The following NUDT17 variants were observed in gnomAD, a reference collection of about 807,000 sequenced individuals.
NUDT17 encodes the protein nudix hydrolase 17, also known as m7GpppN-mRNA hydrolase NUDT17.
In NUDT17, 38 loss-of-function variants were observed where a neutral mutation model predicts 38.6. That is an observed-to-expected ratio of 0.98 (90% CI 0.76 to 1.29). The LOEUF (loss-of-function observed/expected upper bound fraction) is 1.29. Ranked by LOEUF, NUDT17 falls within the 50% of genes most tolerant of loss-of-function variation. The pLI is 0.00. For synonymous variants in NUDT17, 192 were observed against 167.8 expected (o/e 1.14, Z -1.11); for missense variants, 462 against 415.2 (o/e 1.11, Z -0.98).
At position 145,846,101 on chromosome 1, in the gene NUDT17, G is replaced by A; in HGVS notation, c.281G>A (p.Gly94Asp). The change falls in exon 2 of 8, where the codon GGT becomes GAT. Residue 94 changes from glycine to aspartate, a missense_variant. Coordinates refer to ENST00000334513, the MANE Select transcript of NUDT17 (RefSeq NM_001012758.3). ...CCCACAGATCGAGGTGTGGACCTGG[G>A]TGTGGCCGTCATTCTGCAGTCCAGC... ...ELPTDRGVDL[G>D]VAVILQSSDK... 1.9e-6 allele frequency: 3 copies of A among 1,603,586 alleles called. No individual in the cohort carries two copies. The highest frequency in any genetic ancestry group is 2.6e-6 in the Non-Finnish European group (3 of 1,175,662).
chr1:145,846,888 A>G (rs1553732637), intron 4 of NUDT17, among the ~76,000 whole-genome samples, 198 bp downstream of exon 4: 1 of 152,240 alleles, frequency 6.6e-6, no homozygotes, highest in Non-Finnish European at 1.5e-5. Context: ...GTATTAACAA[A>G]GTCTCAAAAA....
In NUDT17 at chr1:145,848,656, C is replaced by T. The variant is rs1652831072; in HGVS notation, c.*177C>T. On this transcript the variant is annotated 3_prime_UTR_variant, in exon 8 of 8. Coordinates refer to ENST00000334513, the MANE Select transcript of NUDT17 (RefSeq NM_001012758.3). ...GGAAGGAGGGCACAGGGTCCTTCCA[C>T]CTCCCTGGAAAGGTGCAGAATGAGC... 3.4e-6 allele frequency: 2 copies of T among 590,896 alleles called. No individual in the cohort carries two copies. The highest frequency in any genetic ancestry group is 3.7e-5 in the African/African-American group (2 of 53,744). The allele number at this position is 590,896 out of a possible 1,614,324, so 36.6% of individuals were successfully genotyped here.
Position 145,846,109 on chromosome 1 carries a change from G to A in NUDT17, c.289G>A (p.Val97Ile), listed in dbSNP as rs1471100335. 2.5e-6 allele frequency: 4 copies of A among 1,602,186 alleles called. No individual in the cohort carries two copies. Among genetic ancestry groups the A allele is most frequent in the South Asian group, 1.1e-5 (1 of 88,898 alleles). Residue 97 changes from valine to isoleucine, a missense_variant, in exon 2 of 8, where the codon GTC (valine) becomes ATC (isoleucine). Transcript: ENST00000334513. ...TCGAGGTGTGGACCTGGGTGTGGCC[G>A]TCATTCTGCAGTCCAGCGACAAGAC... The part of the protein sequence containing the change: ...TDRGVDLGVA[V>I]ILQSSDKTVL...
intron 6 of NUDT17, 39 bp downstream of exon 6, chr1:145,847,758 C>T (rs782632252): frequency 3.7e-6 from 6 of 1,603,750 alleles, no homozygotes; most frequent in Non-Finnish European, 5.1e-6. Flanking sequence ...AATACACCAA[C>T]ATATTCATGT....
At position 145,845,770 on chromosome 1, in the gene NUDT17, C is replaced by A; in HGVS notation, c.130C>A (p.Arg44=). The A allele has an allele frequency of 1.9e-6, 3 of 1,587,124 alleles. No individual in the cohort carries two copies. The Middle Eastern group carries it at 5.0e-4, about 263-fold the overall frequency. The change falls in exon 1 of 8, where the codon CGA becomes AGA. Residue 44 remains arginine (R), a synonymous_variant. Transcript: ENST00000334513. ...GTGGCCCATTCACTGCAGCTTGAAG[C>A]GAGGACGGCTTGTCCTCTCGAGCAG... ...GTWPIHCSLK[R]GRLVLSSRPF...
In NUDT17 at chr1:145,845,825, C is replaced by A. The variant is rs1553732173; in HGVS notation, c.185C>A (p.Pro62Gln). The A allele has an allele frequency of 6.3e-7, 1 of 1,593,260 alleles. No homozygotes were observed. ...RPFPGASARLPLQRPPFCPFA... is the reference protein window; with the variant it reads ...RPFPGASARLQLQRPPFCPFA... ...TTCCCAGGCGCCTCCGCTAGGCTTCCGCTCCAGGTCGGCAGAAGGGGGCCC... is the reference window on the plus strand; with the variant it reads ...TTCCCAGGCGCCTCCGCTAGGCTTCAGCTCCAGGTCGGCAGAAGGGGGCCC... The change falls in exon 1 of 8, where the codon CCG becomes CAG. Residue 62 changes from proline (P) to glutamine (Q), a missense_variant. By Grantham distance (76) the Pro-to-Gln change is moderately conservative (BLOSUM62 -1). Transcript: ENST00000334513.
intron 4 of NUDT17, among the ~76,000 whole-genome samples, chr1:145,846,913 C>T (rs367785809): frequency 3.9e-4 from 59 of 152,344 alleles, no homozygotes; most frequent in African/African-American, 1.4e-3. Context: ...CACAAAGGGC[C>T]GGGTGCGGTG....
In NUDT17 at chr1:145,847,824, A is replaced by T. The variant is rs146383952; in HGVS notation, c.731+105A>T. The T allele has an allele frequency of 7.8e-5, 94 of 1,203,140 alleles. No individual in the cohort carries two copies. In the East Asian group the frequency reaches 2.2e-3, roughly 28 times the overall value. The allele number at this position is 1,203,140 out of a possible 1,614,324, so 74.5% of individuals were successfully genotyped here. On this transcript the variant is annotated intron_variant, in intron 6 of 7. Coordinates refer to ENST00000334513, the MANE Select transcript of NUDT17 (RefSeq NM_001012758.3). ...GATGGAATTTTGTGTTGTGGGGGAG[A>T]TTTAAGGAGAGTGGGTCAGCTGATA...
rs1553732899 is a variant in NUDT17, at chr1:145,847,563, G to A, written c.595-20G>A. 6.2e-7 allele frequency: 1 copy of A among 1,611,444 alleles called. No individual in the cohort carries two copies. Among genetic ancestry groups the A allele is most frequent in the South Asian group, 1.1e-5 (1 of 91,048 alleles). ...CCCAGGGAGAGGCAATGACTGAGGG[G>A]TCACCATGTCTGACCCCAGGCCCGG... On this transcript the variant is annotated intron_variant, in intron 5 of 7. Transcript: ENST00000334513.
In NUDT17 at chr1:145,846,433, G is replaced by T. The variant is rs1652681581; in HGVS notation, c.377G>T (p.Gly126Val). 1 of 1,613,938 alleles carries T rather than the reference G, an allele frequency of 6.2e-7. No individual in the cohort carries two copies. The highest frequency in any genetic ancestry group is 1.1e-5 in the South Asian group (1 of 91,076). Reference protein sequence around the residue: ...SVSPNLWVPPGGHVELEEELL... With the variant: ...SVSPNLWVPPVGHVELEEELL... ...CCTACTGGCCCCACTGTTGTTGCAG[G>T]TGGGCACGTGGAACTTGAGGAGGAG... The change falls in exon 3 of 8, where the codon GGT (glycine) becomes GTT (valine). Residue 126 changes from glycine (G) to valine (V), a missense_variant and splice_region_variant. Coordinates refer to ENST00000334513, the MANE Select transcript of NUDT17 (RefSeq NM_001012758.3).
Position 145,846,089 on chromosome 1 carries a change from G to A in NUDT17, c.269G>A (p.Gly90Asp), listed in dbSNP as rs1652647943. 1.2e-6 allele frequency: 2 copies of A among 1,604,530 alleles called. No individual in the cohort carries two copies. The highest frequency in any genetic ancestry group is 4.5e-5 in the East Asian group (2 of 44,524). Residue 90 changes from glycine to aspartate, a missense_variant, in exon 2 of 8, where the codon GGT becomes GAT. Gly to Asp is a moderately conservative substitution (Grantham distance 94, BLOSUM62 -1). Coordinates refer to ENST00000334513, the MANE Select transcript of NUDT17 (RefSeq NM_001012758.3). ...VPGAELPTDR[G>D]VDLGVAVILQ... is the part of the protein sequence containing the mutation. ...GGGGCTGAGCTGCCCACAGATCGAG[G>A]TGTGGACCTGGGTGTGGCCGTCATT...
intron 4 of NUDT17, 96 bp from the exon 5 acceptor site, chr1:145,847,154 A>T: frequency 1.4e-6 from 1 of 709,082 alleles, no homozygotes; most frequent in Non-Finnish European, 2.4e-6. Context: ...AGATCACGCC[A>T]TTGCATGCCA....
Position 145,846,460 on chromosome 1 carries a change from T to TAACC in NUDT17, c.402+4_402+7dup. 1.2e-6 allele frequency: 2 copies of TAACC among 1,613,198 alleles called. No homozygotes were observed. The highest frequency in any genetic ancestry group is 8.5e-7 in the Non-Finnish European group (1 of 1,179,384). On this transcript the variant is annotated splice_region_variant and intron_variant, in intron 3 of 7. Transcript: ENST00000334513. ...GGGCACGTGGAACTTGAGGAGGAGGTAACCAGTCAGCTGATCCAACCTGAG... is the reference window on the plus strand; with the variant it reads ...GGGCACGTGGAACTTGAGGAGGAGGTAACCAACCAGTCAGCTGATCCAACCTGAG...
chr1:145,847,321 C>G lies in NUDT17; in HGVS notation c.567C>G (p.Ile189Met). The G allele has an allele frequency of 1.9e-6, 3 of 1,611,228 alleles. No homozygotes were observed. Among genetic ancestry groups the G allele is most frequent in the Non-Finnish European group, 2.5e-6 (3 of 1,178,518 alleles). The change falls in exon 5 of 8, where the codon ATC becomes ATG. Residue 189 changes from isoleucine (I) to methionine (M), a missense_variant. Physicochemically the swap from Ile to Met is conservative, Grantham distance 10. Coordinates refer to ENST00000334513, the MANE Select transcript of NUDT17 (RefSeq NM_001012758.3). ...YHHIVLYLLV[I>M]SQESQQQLQA... ...ACATTGTTCTGTATCTACTCGTGAT[C>G]TCCCAGGAATCACAGCAGCAGTTGC...
At position 145,848,389 on chromosome 1, in the gene NUDT17, G is replaced by A. The variant is rs150364859; in HGVS notation, c.897G>A (p.Pro299=). 35 of 1,504,506 alleles carry A rather than the reference G, an allele frequency of 2.3e-5. No individual in the cohort carries two copies. The African/African-American group carries it at 2.6e-4, about 11-fold the overall frequency. The allele number at this position is 1,504,506 out of a possible 1,614,324, so 93.2% of individuals were successfully genotyped here. A position where few individuals can be genotyped will look rare whatever the true frequency, so the allele number is the denominator to read the frequency against. The change falls in exon 8 of 8, where the codon CCG becomes CCA. Residue 299 remains proline (P), a synonymous_variant. Transcript: ENST00000334513. ...AATTCCTCCACAGAACACCCCCACC[G>A]TGTAAAAGTGCAGCTTACCTGGACC... is the stretch of plus-strand genomic sequence containing the variant. ...WLQHLGRTPP[P]CKSAAYLDPG... is the part of the protein sequence containing the mutation.
In NUDT17 at chr1:145,846,085, C is replaced by G. The variant is rs979616687; in HGVS notation, c.265C>G (p.Arg89Gly). 2.5e-6 allele frequency: 4 copies of G among 1,604,698 alleles called. No homozygotes were observed. The highest frequency in any genetic ancestry group is 1.1e-5 in the South Asian group (1 of 89,212). ...CCCTGGGGCTGAGCTGCCCACAGAT[C>G]GAGGTGTGGACCTGGGTGTGGCCGT... ...RVPGAELPTD[R>G]GVDLGVAVIL... is the part of the protein sequence containing the mutation. The change falls in exon 2 of 8, where the codon CGA becomes GGA. Residue 89 changes from arginine to glycine, a missense_variant. Physicochemically the swap from Arg to Gly is moderately radical, Grantham distance 125. Coordinates refer to ENST00000334513, the MANE Select transcript of NUDT17 (RefSeq NM_001012758.3).
At chr1:145,845,987 T>G (rs1428599825) in intron 1 of NUDT17, 26 bp from the exon 2 acceptor site, 3 of 1,581,784 alleles carry the variant, frequency 1.9e-6, no homozygotes. Context: ...TCTGAAGCCT[T>G]AACCCAGCTG....
Position 145,846,086 on chromosome 1 carries a change from G to T in NUDT17, c.266G>T (p.Arg89Leu). The change falls in exon 2 of 8, where the codon CGA becomes CTA. Residue 89 changes from arginine (R) to leucine (L), a missense_variant. Physicochemically the swap from Arg to Leu is moderately radical, Grantham distance 102. Transcript: ENST00000334513. Reference sequence around the variant, plus strand: ...CCTGGGGCTGAGCTGCCCACAGATCGAGGTGTGGACCTGGGTGTGGCCGTC... The same window carrying T: ...CCTGGGGCTGAGCTGCCCACAGATCTAGGTGTGGACCTGGGTGTGGCCGTC... Reference protein sequence around the residue: ...RVPGAELPTDRGVDLGVAVIL... With the variant: ...RVPGAELPTDLGVDLGVAVIL... 1 of 1,604,690 alleles carries T rather than the reference G, an allele frequency of 6.2e-7. No individual in the cohort carries two copies.
rs368251563 is a variant in NUDT17, at chr1:145,847,296, A to C, written c.542A>C (p.His181Pro). Reference protein sequence around the residue: ...RLSWGLPKYHHIVLYLLVISQ... With the variant: ...RLSWGLPKYHPIVLYLLVISQ... ...AGCTGGGGTTTACCCAAATACCATC[A>C]CATTGTTCTGTATCTACTCGTGATC... is the stretch of plus-strand genomic sequence containing the variant. Residue 181 changes from histidine (H) to proline (P), a missense_variant, in exon 5 of 8, where the codon CAC becomes CCC. Physicochemically the swap from His to Pro is moderately conservative, Grantham distance 77 (BLOSUM62 -2). Transcript: ENST00000334513. 1.2e-6 allele frequency: 2 copies of C among 1,611,680 alleles called. No individual in the cohort carries two copies. The highest frequency in any genetic ancestry group is 1.7e-6 in the Non-Finnish European group (2 of 1,179,000).
Sources: allele counts gnomAD v4.1 joint callset (sites outside exome capture counted in the v4.1 genomes callset), GRCh38; gene constraint gnomAD v4.1.1; transcripts MANE v1.5; gene names NCBI Gene and HGNC (gene_info 2026-07-23, HGNC 2026-07-21).